The following MED12L variants were observed in gnomAD, a reference collection of about 807,000 sequenced individuals.
MED12L encodes mediator complex subunit 12L.
In MED12L, 60 loss-of-function variants were observed where a neutral mutation model predicts 281.3. The ratio of observed to expected loss-of-function variants is 0.21; its 90% CI spans 0.17 to 0.26. The LOEUF (loss-of-function observed/expected upper bound fraction) is 0.26. MED12L is among the 10% of genes least tolerant of loss of function. The pLI, the probability that MED12L is intolerant of heterozygous loss-of-function variation, is 1.00. For missense variants in MED12L, 2,146 were observed against 2,680.9 expected (o/e 0.80, Z 4.41); for synonymous variants, 974 against 987.2 (o/e 0.99, Z 0.25).
chr3:151,425,775 T>A (rs753080934), intron 43 of MED12L: 5 of 456,322 alleles, frequency 1.1e-5, no homozygotes, highest in Non-Finnish European at 2.2e-5. Flanking sequence ...TTAAACCATA[T>A]GTTTGCTAAT....
At chr3:151,357,990 T>C (rs1039219110) in intron 20 of MED12L, among the ~76,000 whole-genome samples, 2 of 152,190 alleles carry the variant, frequency 1.3e-5, no homozygotes, top group Non-Finnish European at 2.9e-5. Context: ...TAAGCTGCTT[T>C]TTATCCACTC....
chr3:151,379,423 C>G (rs1023973291), intron 31 of MED12L, among the ~76,000 whole-genome samples: 2 of 152,184 alleles, frequency 1.3e-5, no homozygotes, highest in Non-Finnish European at 2.9e-5. Flanking sequence ...GTTGATTATT[C>G]TCTAATTGAA....
At chr3:151,389,570 G>A (rs1713910230) in intron 37 of MED12L, among the ~76,000 whole-genome samples, 1 of 152,154 alleles carries the variant, frequency 6.6e-6, no homozygotes, top group Non-Finnish European at 1.5e-5. Context: ...TGGTTCTGAA[G>A]CACTGTAGGG....
intron 5 of MED12L, among the ~76,000 whole-genome samples, chr3:151,147,851 A>G (rs1274325692): frequency 6.6e-6 from 1 of 152,194 alleles, no homozygotes; most frequent in Non-Finnish European, 1.5e-5. Flanking sequence ...GACATGTGTC[A>G]TTTCTCTTAG....
In MED12L at chr3:151,367,630, A is replaced by G. The variant is rs1755447185; in HGVS notation, c.3328-16A>G. ...AGGTTGTTAGGTATTAAAACCTGTC[A>G]ATGTTTTTCTTGAAGGTGAGTGACC... On this transcript the variant is annotated splice_polypyrimidine_tract_variant and intron_variant, in intron 23 of 44. Coordinates refer to ENST00000687756, the MANE Select transcript of MED12L (RefSeq NM_001393769.1). The G allele has an allele frequency of 6.3e-7, 1 of 1,596,358 alleles. No homozygotes were observed. The highest frequency in any genetic ancestry group is 1.3e-5 in the African/African-American group (1 of 74,318).
intron 20 of MED12L, among the ~76,000 whole-genome samples, chr3:151,358,316 ACTCAG>A (rs1366257532): frequency 1.1e-4 from 16 of 152,226 alleles, no homozygotes; most frequent in African/African-American, 3.1e-4. Context: ...TTATTTAATA[ACTCAG>A]CTACTGTATA....
At chr3:151,325,032 A>G (rs889519260) in intron 16 of MED12L, among the ~76,000 whole-genome samples, 1 of 152,230 alleles carries the variant, frequency 6.6e-6, no homozygotes, top group African/African-American at 2.4e-5. Flanking sequence ...TGTCGGGGTA[A>G]GAGTTAAGTA....
chr3:151,222,191 A>C (rs1036588201), intron 16 of MED12L, among the ~76,000 whole-genome samples: 1 of 152,216 alleles, frequency 6.6e-6, no homozygotes, highest in African/African-American at 2.4e-5. Context: ...GTATCTAGGA[A>C]GTAACTAACT....
intron 16 of MED12L, among the ~76,000 whole-genome samples, chr3:151,268,059 GCT>G (rs1163004682): frequency 6.6e-6 from 1 of 152,158 alleles, no homozygotes; most frequent in East Asian, 1.9e-4. Context: ...AGCTGGAAAT[GCT>G]CTGTTTTAAT....
chr3:151,274,935 A>AG (rs1741600210), intron 16 of MED12L, among the ~76,000 whole-genome samples: 1 of 152,198 alleles, frequency 6.6e-6, no homozygotes, highest in Admixed American at 6.5e-5. Context: ...TAGAGTGAGA[A>AG]GGGGATTTCA....
At chr3:151,112,973 C>T (rs758485343) in intron 2 of MED12L, among the ~76,000 whole-genome samples, 1 of 152,188 alleles carries the variant, frequency 6.6e-6, no homozygotes, top group Non-Finnish European at 1.5e-5. Context: ...GCTTGGCCTG[C>T]GTTTGTCAAC....
intron 35 of MED12L, 22 bp from the exon 36 acceptor site, chr3:151,385,002 ACTCTCT>A: frequency 8.7e-7 from 1 of 1,150,944 alleles, no homozygotes; most frequent in Non-Finnish European, 1.3e-6. Flanking sequence ...CCCACTTCTC[ACTCTCT>A]CTCTCTCTCT....
rs761477093 is a variant in MED12L at position 151,376,197 on chromosome 3, A to T, written c.4036A>T (p.Ile1346Phe). ...GGGGGACAATCTGCAAAGACAGCACATTAAGCGTATTCTTCAGGTCAGTCG... is the reference window on the plus strand; with the variant it reads ...GGGGGACAATCTGCAAAGACAGCACTTTAAGCGTATTCTTCAGGTCAGTCG... ...TEGDNLQRQH[I>F]KRILQNLEQW... Residue 1346 changes from isoleucine to phenylalanine, a missense_variant, in exon 28 of 45, where the codon ATT becomes TTT. By Grantham distance (21) the Ile-to-Phe change is conservative. Transcript: ENST00000687756. 1 of 1,588,126 alleles carries T rather than the reference A, an allele frequency of 6.3e-7. No homozygotes were observed. The highest frequency in any genetic ancestry group is 8.5e-7 in the Non-Finnish European group (1 of 1,169,656).
At chr3:151,329,108 T>A in intron 16 of MED12L, 1 of 785,532 alleles carries the variant, frequency 1.3e-6, no homozygotes, top group Non-Finnish European at 2.0e-6. Context: ...TATAGCATAT[T>A]AACATCCTGC....
chr3:151,435,006 A>G lies in MED12L; in HGVS notation c.*2202A>G, dbSNP rs1719946329. The G allele has an allele frequency of 6.6e-6, 1 of 151,474 alleles. No homozygotes were observed. Among genetic ancestry groups the G allele is most frequent in the Admixed American group, 6.6e-5 (1 of 15,232 alleles). 9.4% of individuals were successfully genotyped at this position (151,474 alleles called of 1,614,324 possible). A position where few individuals can be genotyped will look rare whatever the true frequency, so the allele number is the denominator to read the frequency against. On this transcript the variant is annotated 3_prime_UTR_variant, in exon 45 of 45. Coordinates refer to ENST00000687756, the MANE Select transcript of MED12L (RefSeq NM_001393769.1). ...CCTGCGCATTATAAAGAAAATAACT[A>G]GAATTACTTTAGTCTTCAGATTTTC...
At chr3:151,367,531 G>C (rs1755433937) in intron 23 of MED12L, 115 bp from the exon 24 acceptor site, 4 of 878,246 alleles carry the variant, frequency 4.6e-6, no homozygotes, top group Non-Finnish European at 6.7e-6. Flanking sequence ...CCCTCTGCTG[G>C]TTCATGTTGG....
rs543991878 is a variant in MED12L at position 151,137,645 on chromosome 3, AAG to A, written c.556+9664_556+9665del. Among the ~76,000 whole-genome samples the A allele has an allele frequency of 2.3e-4, 35 of 152,324 alleles. No individual in the cohort carries two copies. The South Asian group carries it at 5.2e-3, about 23-fold the overall frequency. On this transcript the variant is annotated intron_variant, in intron 5 of 44. Transcript: ENST00000687756. ...CTTTAGCATTTCCTATTTAACAAGA[AAG>A]AGTTTTTAGTAATTTCTTCAATTTT... is the stretch of plus-strand genomic sequence containing the variant.
chr3:151,203,666 A>G (rs1392944586), intron 16 of MED12L, among the ~76,000 whole-genome samples: 2 of 152,106 alleles, frequency 1.3e-5, no homozygotes, highest in East Asian at 3.8e-4. Context: ...CAGCTAATGT[A>G]TACATTTTAT....
chr3:151,405,355 G>C (rs949334048), intron 39 of MED12L, among the ~76,000 whole-genome samples: 1 of 152,148 alleles, frequency 6.6e-6, no homozygotes, highest in African/African-American at 2.4e-5. Context: ...CATTCCCTTT[G>C]CACATACAAG....
Sources: gnomAD v4.1 joint callset for allele counts (sites outside exome capture counted in the v4.1 genomes callset) on GRCh38, gnomAD v4.1.1 for gene constraint, MANE v1.5 for transcripts, NCBI Gene and HGNC (gene_info 2026-07-23, HGNC 2026-07-21) for gene names.